LONP1: variants seen among roughly 807,000 people sequenced by gnomAD.
The protein encoded by LONP1 is lon protease homolog, mitochondrial.
Under a neutral mutation model 98.5 loss-of-function variants are expected in LONP1, and 31 were observed. The ratio of observed to expected loss-of-function variants is 0.31; its 90% CI spans 0.24 to 0.42. LONP1 has a LOEUF of 0.42. Among genes scored for constraint, LONP1 ranks in the 20% least tolerant of loss-of-function variants. The pLI, the probability that LONP1 is intolerant of heterozygous loss-of-function variation, is 1.00. For synonymous variants in LONP1, 781 were observed against 594.7 expected, an observed-to-expected ratio of 1.31 and a Z score of -4.56; for missense variants, 1,336 against 1,350.6, an observed-to-expected ratio of 0.99 and a Z score of 0.17.
intron 8 of LONP1, among the ~76,000 whole-genome samples, chr19:5,702,246 G>A (rs1240682407): frequency 1.1e-5 from 1 of 94,516 alleles, no homozygotes; most frequent in African/African-American, 3.1e-5. Flanking sequence ...CGTCTGGGAG[G>A]GAGGTTGGGG....
At chr19:5,715,098 T>C (rs1405928987) in intron 1 of LONP1, 2 of 140,398 alleles carry the variant, frequency 1.4e-5, no homozygotes, top group Admixed American at 7.2e-5. Flanking sequence ...GCTGTGGTGG[T>C]GAATACAGTG....
chr19:5,710,131 T>C (rs943655649), intron 4 of LONP1, among the ~76,000 whole-genome samples: 14 of 151,024 alleles, frequency 9.3e-5, no homozygotes, highest in African/African-American at 3.4e-4. Context: ...TTGCCCAGGC[T>C]GGAATGCAAT....
At chr19:5,694,705 C>T in intron 14 of LONP1, 56 bp downstream of exon 14, 1 of 1,560,504 alleles carries the variant, frequency 6.4e-7, no homozygotes, top group Non-Finnish European at 8.7e-7. Context: ...GTGGGGTGAT[C>T]AGCGTGGGAT....
intron 8 of LONP1, 44 bp from the exon 9 acceptor site, chr19:5,700,971 C>T: frequency 6.2e-7 from 1 of 1,610,870 alleles, no homozygotes; most frequent in Non-Finnish European, 8.5e-7. Flanking sequence ...AGCTCACGAG[C>T]TGCCTGTCTC....
intron 10 of LONP1, among the ~76,000 whole-genome samples, chr19:5,697,835 A>G (rs988756568): frequency 6.6e-6 from 1 of 151,890 alleles, no homozygotes; most frequent in African/African-American, 2.4e-5. Flanking sequence ...ACTCCCTCCC[A>G]AGGCCAGAGG....
At chr19:5,699,451 C>CAG (rs1208050286) in intron 9 of LONP1, among the ~76,000 whole-genome samples, 1 of 152,102 alleles carries the variant, frequency 6.6e-6, no homozygotes, top group Non-Finnish European at 1.5e-5. Context: ...GGCCACCCGG[C>CAG]AGTGCCAGGC....
chr19:5,705,852 C>T lies in LONP1; in HGVS notation c.1287G>A (p.Val429=). 1.9e-6 allele frequency: 3 copies of T among 1,614,196 alleles called. No homozygotes were observed. Among genetic ancestry groups the T allele is most frequent in the African/African-American group, 1.3e-5 (1 of 75,056 alleles). The change falls in exon 8 of 18, where the codon GTG becomes GTA. Residue 429 remains valine (V), a synonymous_variant. Transcript: ENST00000360614. ...EKFRERLKEL[V]VPKHVMDVVD... ...CAACATCCATGACGTGCTTGGGGAC[C>T]ACGAGCTCCTTCAGGCGCTCCCGGA...
chr19:5,699,555 G>GTTTT (rs35759031), intron 9 of LONP1, among the ~76,000 whole-genome samples: 11 of 118,534 alleles, frequency 9.3e-5, no homozygotes, highest in Non-Finnish European at 1.2e-4. Context: ...TCTGGCTCCT[G>GTTTT]TTTTTTTTTT....
rs774301124 is a variant in LONP1 at position 5,693,988 on chromosome 19, G to A, written c.2321-219C>T. ...CCCCACAGGGCAGCCCCCAGCAGCTGCCAGCCACAGAGGACACGCCCAGGG... is the reference window on the plus strand; with the variant it reads ...CCCCACAGGGCAGCCCCCAGCAGCTACCAGCCACAGAGGACACGCCCAGGG... On this transcript the variant is annotated intron_variant, in intron 15 of 17. Transcript: ENST00000360614. Among the ~76,000 whole-genome samples, 56 of 152,308 alleles carry A rather than the reference G, an allele frequency of 3.7e-4. 1 individual carries two copies. The highest frequency in any genetic ancestry group is 1.3e-3 in the African/African-American group (54 of 41,568).
chr19:5,715,349 T>TTTA (rs924605743), intron 1 of LONP1, among the ~76,000 whole-genome samples: 5 of 150,526 alleles, frequency 3.3e-5, no homozygotes, highest in South Asian at 4.2e-4. Flanking sequence ...TTTTTTTTTT[T>TTTA]AATAAAGTTT....
chr19:5,720,397 T>G (rs1050253880), upstream of LONP1: 48 of 587,334 alleles, frequency 8.2e-5, no homozygotes, highest in Non-Finnish European at 1.3e-4. Context: ...TACAAAACAC[T>G]GGTAGTGTTG....
chr19:5,708,278 A>G, intron 5 of LONP1, 64 bp downstream of exon 5: 1 of 1,517,230 alleles, frequency 6.6e-7, no homozygotes, highest in Non-Finnish European at 9.1e-7. Context: ...CCCCCTACCC[A>G]CCCAGCTGCA....
chr19:5,694,262 C>T, intron 15 of LONP1, 125 bp downstream of exon 15: 1 of 1,303,828 alleles, frequency 7.7e-7, no homozygotes, highest in Non-Finnish European at 1.0e-6. Flanking sequence ...CCCAGCACAC[C>T]ACCCCCCGCC....
intron 4 of LONP1, 106 bp from the exon 5 acceptor site, chr19:5,708,509 C>T (rs2055184814): frequency 4.3e-6 from 2 of 468,392 alleles, no homozygotes; most frequent in Admixed American, 6.9e-5. Flanking sequence ...TCCATCAACT[C>T]CCTCCCCTCC....
rs774503285 is a variant in LONP1, at chr19:5,713,230, C to A, written c.542G>T (p.Ser181Ile). The A allele has an allele frequency of 1.9e-6, 3 of 1,614,186 alleles. No individual in the cohort carries two copies. The highest frequency in any genetic ancestry group is 2.5e-6 in the Non-Finnish European group (3 of 1,180,020). The change falls in exon 3 of 18, where the codon AGC becomes ATC. Residue 181 changes from serine to isoleucine, a missense_variant. Transcript: ENST00000360614. ...DDSNESDVVE[S>I]LDEIYHTGTF... ...CCCCGTGTGGTAGATTTCATCCAGGCTCTCGACCACATCCGACTCATTGCT... is the reference window on the plus strand; with the variant it reads ...CCCCGTGTGGTAGATTTCATCCAGGATCTCGACCACATCCGACTCATTGCT...
chr19:5,719,028 T>G (rs2055376163), intron 1 of LONP1, among the ~76,000 whole-genome samples: 1 of 152,154 alleles, frequency 6.6e-6, no homozygotes, highest in African/African-American at 2.4e-5. Context: ...ACTAAACATC[T>G]TTATTGCCTG....
At chr19:5,703,254 G>C (rs1268007780) in intron 8 of LONP1, among the ~76,000 whole-genome samples, 2 of 152,102 alleles carry the variant, frequency 1.3e-5, no homozygotes, top group African/African-American at 4.8e-5. Flanking sequence ...GAGATGGCCG[G>C]AGGTCCACTG....
Position 5,711,955 on chromosome 19 carries a change from GCCTCCGGCT to G in LONP1, c.677_685del (p.Glu226_Glu228del). On this transcript the variant is annotated inframe_deletion, in exon 4 of 18. Transcript: ENST00000360614. ...CCTGCGGGGCTTGTGCTTGTTCTCC[GCCTCCGGCT>G]CCTCGGGCTCCACCTCCAGCTGTCT... is the stretch of plus-strand genomic sequence containing the variant. 2 of 1,613,302 alleles carry G rather than the reference GCCTCCGGCT, an allele frequency of 1.2e-6. No homozygotes were observed. The highest frequency in any genetic ancestry group is 1.1e-5 in the South Asian group (1 of 91,082).
rs777937362 is a variant in LONP1, at chr19:5,696,120, C to A, written c.1947G>T (p.Leu649=). ...CGTTGATCATCTCCATACGGTCTCG[C>A]AGCGGCTCGGGGATGGTGTCCGTGA... ...ANVTDTIPEP[L]RDRMEMINVS... The change falls in exon 13 of 18, where the codon CTG becomes CTT. Residue 649 remains leucine, a synonymous_variant. Coordinates refer to ENST00000360614, the MANE Select transcript of LONP1 (RefSeq NM_004793.4). 21 of 1,613,158 alleles carry A rather than the reference C, an allele frequency of 1.3e-5. No homozygotes were observed. The East Asian group carries it at 4.5e-4, about 34-fold the overall frequency.
Sources: gnomAD v4.1 joint callset for allele counts (sites outside exome capture counted in the v4.1 genomes callset) on GRCh38, gnomAD v4.1.1 for gene constraint, MANE v1.5 for transcripts, NCBI Gene and HGNC (gene_info 2026-07-23, HGNC 2026-07-21) for gene names.